The following SYCP2 variants were observed in gnomAD, a reference collection of about 807,000 sequenced individuals.
The protein encoded by SYCP2 is synaptonemal complex protein 2.
Under a neutral mutation model 211.3 loss-of-function variants are expected in SYCP2, and 55 were observed. The observed-to-expected ratio is 0.26, with a 90% CI of 0.21 to 0.33. SYCP2 has a LOEUF of 0.33. Ranked by LOEUF, SYCP2 falls within the 10% of genes least tolerant of loss-of-function variation. The pLI, the probability that SYCP2 is intolerant of heterozygous loss-of-function variation, is 1.00. For missense variants in SYCP2, 1,731 were observed against 1,752.0 expected, an observed-to-expected ratio of 0.99 and a Z score of 0.21; for synonymous variants, 570 against 555.2, an observed-to-expected ratio of 1.03 and a Z score of -0.37.
chr20:59,923,845 CAGAA>C (rs956621416), intron 2 of SYCP2, among the ~76,000 whole-genome samples: 14 of 151,522 alleles, frequency 9.2e-5, no homozygotes, highest in African/African-American at 3.2e-4. Flanking sequence ...GAGAGAGAAA[CAGAA>C]AGAGACCCAG....
intron 2 of SYCP2, among the ~76,000 whole-genome samples, chr20:59,923,173 A>G (rs1311762482): frequency 6.6e-6 from 1 of 151,964 alleles, no homozygotes; most frequent in Non-Finnish European, 1.5e-5. Flanking sequence ...CCAAAAATAG[A>G]TTAAATCACT....
chr20:59,885,996 A>G, intron 25 of SYCP2, 32 bp from the exon 26 acceptor site: 4 of 1,536,626 alleles, frequency 2.6e-6, no homozygotes, highest in Non-Finnish European at 3.6e-6. Flanking sequence ...AAATTGAAAA[A>G]GCAAATCAGT....
At chr20:59,915,051 T>C (rs2060410914) in intron 10 of SYCP2, 114 bp downstream of exon 10, 2 of 726,754 alleles carry the variant, frequency 2.8e-6, no homozygotes, top group Non-Finnish European at 4.7e-6. Flanking sequence ...TAATTGTACA[T>C]AATGTTTATA....
chr20:59,880,713 TAAATC>T (rs1285820308), intron 30 of SYCP2, among the ~76,000 whole-genome samples: 2 of 151,774 alleles, frequency 1.3e-5, no homozygotes, highest in African/African-American at 2.4e-5. Context: ...AATTCAAAGT[TAAATC>T]AAAACAACTT....
At chr20:59,890,144 C>T (rs1466025669) in intron 24 of SYCP2, among the ~76,000 whole-genome samples, 4 of 152,086 alleles carry the variant, frequency 2.6e-5, no homozygotes, top group Admixed American at 2.0e-4. Flanking sequence ...GACTTAGAAC[C>T]AACCCAAATG....
chr20:59,922,072 T>C (rs954881987), intron 3 of SYCP2, among the ~76,000 whole-genome samples: 2 of 151,646 alleles, frequency 1.3e-5, no homozygotes, highest in African/African-American at 2.4e-5. Context: ...TTTACCTAAA[T>C]ACACAATATC....
rs1282092897 is a variant in SYCP2 at position 59,877,567 on chromosome 20, A to C, written c.2980-12T>G. 6.3e-7 allele frequency: 1 copy of C among 1,576,410 alleles called. No individual in the cohort carries two copies. Among genetic ancestry groups the C allele is most frequent in the South Asian group, 1.2e-5 (1 of 83,264 alleles). ...TTTTTACTGGGTGTCTTTAGGAGAA[A>C]AATTCCTGAATATTAGATCAATATT... is the stretch of plus-strand genomic sequence containing the variant. On this transcript the variant is annotated splice_polypyrimidine_tract_variant and intron_variant, in intron 32 of 44. Transcript: ENST00000357552.
intron 34 of SYCP2, among the ~76,000 whole-genome samples, chr20:59,874,267 T>G (rs1308352061): frequency 2.0e-5 from 3 of 152,098 alleles, no homozygotes; most frequent in Non-Finnish European, 4.4e-5. Context: ...GAATTTAAAA[T>G]GTACTTGTAA....
intron 2 of SYCP2, among the ~76,000 whole-genome samples, chr20:59,930,084 G>C (rs73917274): frequency 0.018 from 2,765 of 152,058 alleles, 87 homozygotes; most frequent in African/African-American, 0.063. Flanking sequence ...ATCTCTATTA[G>C]CTCAAAATCC....
chr20:59,899,033 G>T (rs1448710011), intron 18 of SYCP2, among the ~76,000 whole-genome samples: 3 of 152,128 alleles, frequency 2.0e-5, no homozygotes, highest in Non-Finnish European at 4.4e-5. Flanking sequence ...TGGAGTAGAA[G>T]AATGCTATCA....
chr20:59,892,809 AATT>A lies in SYCP2; in HGVS notation c.1794-111_1794-109del, dbSNP rs1249017094. ...TACTGAAAGCGATTACTTATGTGAA[AATT>A]ATGTGGAAATTTATCTTATCTTACA... is the stretch of plus-strand genomic sequence containing the variant. On this transcript the variant is annotated intron_variant, in intron 22 of 44. Coordinates refer to ENST00000357552, the MANE Select transcript of SYCP2 (RefSeq NM_014258.4). The A allele has an allele frequency of 6.1e-6, 6 of 983,096 alleles. No individual in the cohort carries two copies. In the African/African-American group the frequency reaches 6.7e-5, roughly 11 times the overall value. 60.9% of individuals were successfully genotyped at this position (983,096 alleles called of 1,614,324 possible).
rs898302276 is a variant in SYCP2 at position 59,910,374 on chromosome 20, A to ATTTTTT, written c.972+1370_972+1375dup. On this transcript the variant is annotated intron_variant, in intron 14 of 44. Coordinates refer to ENST00000357552, the MANE Select transcript of SYCP2 (RefSeq NM_014258.4). ...GTATACTGCTATAGTGTAATTGCTT[A>ATTTTTT]TTTTTTTTTTTTTTTTTTTTTTTTT... 5.9e-3 allele frequency among the ~76,000 whole-genome samples: 451 copies of ATTTTTT among 76,230 alleles called. 85 individuals are homozygous for ATTTTTT. Among genetic ancestry groups the ATTTTTT allele is most frequent in the African/African-American group, 0.024 (411 of 16,898 alleles). 50.0% of individuals were successfully genotyped at this position (76,230 alleles called of 152,430 possible).
chr20:59,903,640 T>C, intron 15 of SYCP2, among the ~76,000 whole-genome samples: 1 of 152,150 alleles, frequency 6.6e-6, no homozygotes, highest in East Asian at 1.9e-4. Context: ...AGGATACAGA[T>C]ACAAAGATGT....
chr20:59,869,716 T>C, intron 36 of SYCP2, 82 bp downstream of exon 36: 1 of 709,430 alleles, frequency 1.4e-6, no homozygotes, highest in Non-Finnish European at 2.3e-6. Flanking sequence ...ATATTATAAT[T>C]ACCACTAAAG....
intron 34 of SYCP2, 49 bp downstream of exon 34, chr20:59,875,222 T>C (rs1380404715): frequency 2.5e-6 from 3 of 1,208,522 alleles, no homozygotes; most frequent in Non-Finnish European, 3.5e-6. Flanking sequence ...ATTAGAGTTA[T>C]AGAAAACTAT....
At position 59,912,373 on chromosome 20, in the gene SYCP2, C is replaced by T; in HGVS notation, c.876G>A (p.Glu292=). ...ATAATGTGTTAAATTAAAATTTTAC[C>T]TCATATTTATCAAGAAATGCTGATA... ...PCLSAFLDKY[E]LQIPSDEKLE... Residue 292 remains glutamate (E), a splice_region_variant and synonymous_variant, in exon 13 of 45, where the codon GAG becomes GAA. Transcript: ENST00000357552. The T allele has an allele frequency of 2.9e-6, 3 of 1,044,092 alleles. No homozygotes were observed. The highest frequency in any genetic ancestry group is 1.6e-5 in the African/African-American group (1 of 60,790). 64.7% of individuals were successfully genotyped at this position (1,044,092 alleles called of 1,614,324 possible).
At chr20:59,878,803 G>C (rs6128715) in intron 31 of SYCP2, among the ~76,000 whole-genome samples, 21,093 of 151,970 alleles carry the variant, frequency 0.14, 1,668 homozygotes, top group East Asian at 0.29. Context: ...AGCAGATTTA[G>C]TCTCACTTCT....
Position 59,875,328 on chromosome 20 carries a change from G to C in SYCP2, c.3292C>G (p.Leu1098Val), listed in dbSNP as rs780806886. ...GATAAAGATCTGGGAGATAAGTCAA[G>C]GCAATTATCTCGTATAGCATCTTTT... Reference protein sequence around the residue: ...LLKDAIRDNCLDLSPRSLSGS... With the variant: ...LLKDAIRDNCVDLSPRSLSGS... Residue 1098 changes from leucine (L) to valine (V), a missense_variant, in exon 34 of 45, where the codon CTT becomes GTT. Physicochemically the swap from Leu to Val is conservative, Grantham distance 32 (BLOSUM62 1). Transcript: ENST00000357552. The C allele has an allele frequency of 6.2e-7, 1 of 1,611,216 alleles. No homozygotes were observed. Among genetic ancestry groups the C allele is most frequent in the Admixed American group, 1.7e-5 (1 of 59,910 alleles).
intron 14 of SYCP2, among the ~76,000 whole-genome samples, chr20:59,911,032 C>G (rs1157157469): frequency 2.0e-5 from 3 of 152,088 alleles, no homozygotes; most frequent in African/African-American, 7.2e-5. Context: ...TGGCAGGATT[C>G]TATAAGAAAC....
Sources: gnomAD v4.1 joint callset for allele counts (sites outside exome capture counted in the v4.1 genomes callset) on GRCh38, gnomAD v4.1.1 for gene constraint, MANE v1.5 for transcripts, NCBI Gene and HGNC (gene_info 2026-07-23, HGNC 2026-07-21) for gene names.